The following WNT9B variants were observed in gnomAD, a reference collection of about 807,000 sequenced individuals.
The protein encoded by WNT9B is protein Wnt-9b.
A neutral mutation model predicts 30.2 loss-of-function variants in WNT9B; 12 were observed. The ratio of observed to expected loss-of-function variants is 0.40; its 90% CI spans 0.26 to 0.64. The LOEUF is 0.64. WNT9B is among the 30% of genes least tolerant of loss of function. WNT9B has a pLI of 0.42. For synonymous variants in WNT9B, 218 were observed against 216.9 expected, an observed-to-expected ratio of 1.01 and a Z score of -0.05; for missense variants, 442 against 485.2, an observed-to-expected ratio of 0.91 and a Z score of 0.84.
At chr17:46,851,458 G>C (rs1598836626), upstream of WNT9B, 10 of 326,888 alleles carry the variant, frequency 3.1e-5, no homozygotes, top group East Asian at 4.8e-4. This position sits in a 1 kb window ranked among gnomAD's most constrained non-coding sequence, Gnocchi z 4.3. Context: ...CGGGGCGAGG[G>C]CGGTGGGGCC....
intron 1 of WNT9B, among the ~76,000 whole-genome samples, chr17:46,861,945 C>T (rs1382932898): frequency 6.6e-6 from 1 of 152,066 alleles, no homozygotes; most frequent in African/African-American, 2.4e-5. Flanking sequence ...AGGTGGATCA[C>T]CTGAGGTCAG....
chr17:46,837,158 G>C (rs1477405296), intron 1 of WNT9B, among the ~76,000 whole-genome samples: 1 of 152,190 alleles, frequency 6.6e-6, no homozygotes, highest in Admixed American at 6.5e-5. Context: ...GGCCAGGCTG[G>C]TCTTGATCTC....
chr17:46,886,635 G>A (rs1434118713), exon 5 of WNT9B: 1 of 152,190 alleles, frequency 6.6e-6, no homozygotes, highest in African/African-American at 2.4e-5. Context: ...TACAAATACT[G>A]CGTGATCATG....
At chr17:46,862,440 T>C (rs773988541) in intron 1 of WNT9B, among the ~76,000 whole-genome samples, 9 of 152,130 alleles carry the variant, frequency 5.9e-5, no homozygotes, top group Admixed American at 1.3e-4. Flanking sequence ...TGCTACCGTA[T>C]GAGTTCACCA....
At chr17:46,883,252 G>A (rs2085446873), downstream of WNT9B, among the ~76,000 whole-genome samples, 1 of 151,108 alleles carries the variant, frequency 6.6e-6, no homozygotes, top group Non-Finnish European at 1.5e-5. Context: ...AAAGTGCTGG[G>A]ATTACAGGCG....
chr17:46,851,285 C>T (rs1045448339), upstream of WNT9B, among the ~76,000 whole-genome samples: 25 of 151,846 alleles, frequency 1.6e-4, no homozygotes, highest in African/African-American at 4.8e-4. This position sits in a 1 kb window ranked among gnomAD's most constrained non-coding sequence, Gnocchi z 4.3. Context: ...GTCCCCGCCT[C>T]GTACCCTCCT....
At position 46,872,527 on chromosome 17, in the gene WNT9B, C is replaced by T. The variant is rs770668925; in HGVS notation, c.88C>T (p.Arg30Trp). ...AAASYFGLTG[R>W]EVLTPFPGLG... is the part of the protein sequence containing the mutation. ...TCTCGCTCTCTCTAGCCTGACCGGG[C>T]GGGAAGTCCTGACGCCCTTCCCAGG... is the stretch of plus-strand genomic sequence containing the variant. Residue 30 changes from arginine (R) to tryptophan (W), a missense_variant, in exon 2 of 4, where the codon CGG becomes TGG. Transcript: ENST00000290015. The T allele has an allele frequency of 7.8e-6, 12 of 1,542,782 alleles. No individual in the cohort carries two copies. The highest frequency in any genetic ancestry group is 2.3e-5 in the East Asian group (1 of 43,606).
At chr17:46,859,805 T>C (rs1163454142) in intron 1 of WNT9B, among the ~76,000 whole-genome samples, 1 of 152,208 alleles carries the variant, frequency 6.6e-6, no homozygotes, top group East Asian at 1.9e-4. Flanking sequence ...CTAACAATAT[T>C]GAGTCTGCTG....
intron 1 of WNT9B, among the ~76,000 whole-genome samples, chr17:46,854,628 A>T (rs944997468): frequency 4.0e-5 from 4 of 98,896 alleles, no homozygotes; most frequent in Admixed American, 1.3e-4. Context: ...TAATGGTGAT[A>T]AAAAAAAACA....
At chr17:46,846,124 C>A (rs1038641129) in intron 1 of WNT9B, among the ~76,000 whole-genome samples, 1 of 152,152 alleles carries the variant, frequency 6.6e-6, no homozygotes, top group Non-Finnish European at 1.5e-5. Context: ...TCCTCCAGGT[C>A]ACTACTTACT....
intron 1 of WNT9B, among the ~76,000 whole-genome samples, chr17:46,836,341 A>T (rs2084632636): frequency 6.6e-6 from 1 of 152,114 alleles, no homozygotes; most frequent in Non-Finnish European, 1.5e-5. Flanking sequence ...TTTGAACTTC[A>T]TTCATGAAGC....
chr17:46,875,393 T>A, intron 3 of WNT9B, 27 bp downstream of exon 3: 3 of 1,564,510 alleles, frequency 1.9e-6, no homozygotes, highest in Non-Finnish European at 2.6e-6. Context: ...CTGCCCGCAG[T>A]GCCTTCCCAC....
rs1478398924 is a variant in WNT9B, at chr17:46,876,651, A to G, written c.1007A>G (p.Gln336Arg). 1.2e-6 allele frequency: 2 copies of G among 1,606,602 alleles called. No individual in the cohort carries two copies. The highest frequency in any genetic ancestry group is 1.1e-5 in the South Asian group (1 of 90,516). ...LVAFSCHCQVQWCCYVECQQC... is the reference protein window; with the variant it reads ...LVAFSCHCQVRWCCYVECQQC... Reference sequence around the variant, plus strand: ...GCCTTCTCCTGCCACTGCCAGGTGCAGTGGTGCTGCTACGTGGAGTGCCAG... The same window carrying G: ...GCCTTCTCCTGCCACTGCCAGGTGCGGTGGTGCTGCTACGTGGAGTGCCAG... The change falls in exon 4 of 4, where the codon CAG (glutamine) becomes CGG (arginine). Residue 336 changes from glutamine to arginine, a missense_variant. Coordinates refer to ENST00000290015, the MANE Select transcript of WNT9B (RefSeq NM_003396.3).
intron 1 of WNT9B, among the ~76,000 whole-genome samples, chr17:46,839,537 TG>T (rs1486694967): frequency 3.3e-5 from 5 of 152,250 alleles, no homozygotes; most frequent in East Asian, 1.9e-4. Context: ...TATATATATA[TG>T]TTTTTTTATT....
chr17:46,849,037 C>G (rs1475913674), upstream of WNT9B, among the ~76,000 whole-genome samples: 1 of 152,110 alleles, frequency 6.6e-6, no homozygotes, highest in East Asian at 1.9e-4. Context: ...GCCTTATTGG[C>G]CAAAAAGACA....
At chr17:46,863,995 GGGACA>G (rs893777820) in intron 1 of WNT9B, among the ~76,000 whole-genome samples, 38 of 152,198 alleles carry the variant, frequency 2.5e-4, no homozygotes, top group African/African-American at 8.9e-4. Context: ...TCTGCAGCAT[GGGACA>G]TCTCTGCCTA....
exon 5 of WNT9B, chr17:46,885,605 C>T (rs954077939): frequency 6.6e-6 from 1 of 152,230 alleles, no homozygotes; most frequent in South Asian, 2.1e-4. Flanking sequence ...GCCCGGCCGC[C>T]TTAGCATTTT....
At chr17:46,883,940 G>A (rs1219744482), downstream of WNT9B, among the ~76,000 whole-genome samples, 1 of 152,136 alleles carries the variant, frequency 6.6e-6, no homozygotes, top group East Asian at 1.9e-4. Flanking sequence ...GCTCTCTTGG[G>A]CCCATTAGTG....
chr17:46,837,315 G>T (rs1266121538), intron 1 of WNT9B, among the ~76,000 whole-genome samples: 1 of 152,116 alleles, frequency 6.6e-6, no homozygotes, highest in Non-Finnish European at 1.5e-5. Flanking sequence ...AACTCCACCT[G>T]CAGTGACAAG....
Sources: allele counts gnomAD v4.1 joint callset (sites outside exome capture counted in the v4.1 genomes callset), GRCh38; gene constraint gnomAD v4.1.1; non-coding constraint Gnocchi (gnomAD v3.1); transcripts MANE v1.5; gene names NCBI Gene and HGNC (gene_info 2026-07-23, HGNC 2026-07-21).